Variants in FBXO34 observed in about 807,000 individuals in gnomAD.
The protein encoded by FBXO34 is F-box protein 34, also known as F-box only protein 34.
A neutral mutation model predicts 24.5 loss-of-function variants in FBXO34; 12 were observed. The ratio of observed to expected loss-of-function variants is 0.49; its 90% CI spans 0.31 to 0.79. The LOEUF (loss-of-function observed/expected upper bound fraction) is 0.79. FBXO34 is among the 30% of genes least tolerant of loss of function. The pLI, the probability that FBXO34 is intolerant of heterozygous loss-of-function variation, is 0.04. For missense variants in FBXO34, 823 were observed against 857.7 expected (o/e 0.96, Z 0.51); for synonymous variants, 320 against 311.9 (o/e 1.03, Z -0.27).
intron 1 of FBXO34, among the ~76,000 whole-genome samples, chr14:55,316,687 A>C (rs115658773): frequency 0.014 from 2,168 of 149,976 alleles, 63 homozygotes; most frequent in African/African-American, 0.05. Context: ...AGATCATGCC[A>C]CTGCACTACA....
At chr14:55,282,250 C>T (rs1881576409) in intron 1 of FBXO34, 22 of 328,348 alleles carry the variant, frequency 6.7e-5, no homozygotes, top group South Asian at 5.6e-4. Flanking sequence ...GCCTCAGCCT[C>T]CCAAAGTGCT....
Position 55,352,314 on chromosome 14 carries a change from G to A in FBXO34, c.1924G>A (p.Gly642Arg). The A allele has an allele frequency of 6.2e-7, 1 of 1,614,142 alleles. No individual in the cohort carries two copies. Among genetic ancestry groups the A allele is most frequent in the Non-Finnish European group, 8.5e-7 (1 of 1,179,974 alleles). ...ACAGTGCAAGAAAAAGTATGTGAAA[G>A]GGGATGTGTCCCTGTGCCGATGGCA... ...CKQCKKKYVK[G>R]DVSLCRWHPK... The change falls in exon 2 of 2, where the codon GGG becomes AGG. Residue 642 changes from glycine to arginine, a missense_variant. Gly to Arg is a moderately radical substitution (Grantham distance 125). Around this residue, in one of 2 missense-constraint regions of FBXO34, gnomAD observed 130 missense variants for 198.6 expected, o/e 0.65. Transcript: ENST00000313833.
At chr14:55,436,780 G>A in the FBXO34 span, 1 of 1,614,184 alleles carries the variant, frequency 6.2e-7, no homozygotes, top group Non-Finnish European at 8.5e-7. Flanking sequence ...CCTACTTTGT[G>A]GACTTTGGCT....
At chr14:55,421,073 A>G in the FBXO34 span, among the ~76,000 whole-genome samples, 1 of 151,614 alleles carries the variant, frequency 6.6e-6, no homozygotes, top group African/African-American at 2.4e-5. Flanking sequence ...AAAAAAAAAA[A>G]AAAAAGAAAA....
At chr14:55,328,535 G>T (rs1308212740) in intron 1 of FBXO34, among the ~76,000 whole-genome samples, 3 of 152,220 alleles carry the variant, frequency 2.0e-5, no homozygotes, top group Admixed American at 6.5e-5. Flanking sequence ...ATGGGATGGA[G>T]CAGAGATTTC....
chr14:55,429,562 G>C, the FBXO34 span, among the ~76,000 whole-genome samples: 1 of 152,236 alleles, frequency 6.6e-6, no homozygotes, highest in South Asian at 2.1e-4. Flanking sequence ...ACAGTAGCTC[G>C]AGACCGGCCT....
Position 55,350,865 on chromosome 14 carries a change from A to C in FBXO34, c.475A>C (p.Lys159Gln). Residue 159 changes from lysine (K) to glutamine (Q), a missense_variant, in exon 2 of 2, where the codon AAA (lysine) becomes CAA (glutamine). Lys to Gln is a moderately conservative substitution (Grantham distance 53). Coordinates refer to ENST00000313833, the MANE Select transcript of FBXO34 (RefSeq NM_017943.4). ...AAGGAAAAAATCAGGGGATCTTAAAAAAGCCAAGGTACAGGTGGAAAGGAT... is the reference window on the plus strand; with the variant it reads ...AAGGAAAAAATCAGGGGATCTTAAACAAGCCAAGGTACAGGTGGAAAGGAT... The part of the protein sequence containing the change: ...KRRKKSGDLK[K>Q]AKVQVERMRE... 1 of 1,613,228 alleles carries C rather than the reference A, an allele frequency of 6.2e-7. No homozygotes were observed. Among genetic ancestry groups the C allele is most frequent in the Non-Finnish European group, 8.5e-7 (1 of 1,179,804 alleles).
chr14:55,400,067 A>G, the FBXO34 span, among the ~76,000 whole-genome samples: 1 of 152,256 alleles, frequency 6.6e-6, no homozygotes, highest in Non-Finnish European at 1.5e-5. Flanking sequence ...GTCCTCCTTC[A>G]TGAAAGAAAT....
the FBXO34 span, among the ~76,000 whole-genome samples, chr14:55,375,208 A>G: frequency 6.6e-6 from 1 of 152,254 alleles, no homozygotes; most frequent in African/African-American, 2.4e-5. Context: ...CATATATTTT[A>G]TTAAGATCAC....
In FBXO34 at chr14:55,299,224, A is replaced by T; in HGVS notation, c.-11+27687A>T. On this transcript the variant is annotated intron_variant, in intron 1 of 1. Transcript: ENST00000313833. ...GCCCTACCATCAAAACCTGCCAAGA[A>T]GAGGAAGACGACGACATGAAGGATT... The T allele has an allele frequency of 6.8e-6, 6 of 880,144 alleles. No individual in the cohort carries two copies. In the South Asian group the frequency reaches 7.9e-5, roughly 12 times the overall value. 54.5% of individuals were successfully genotyped at this position (880,144 alleles called of 1,614,324 possible).
At chr14:55,407,136 T>C in the FBXO34 span, among the ~76,000 whole-genome samples, 1 of 151,862 alleles carries the variant, frequency 6.6e-6, no homozygotes, top group African/African-American at 2.4e-5. Flanking sequence ...TAATTTTTGT[T>C]TTTGTTTTTT....
chr14:55,429,574 G>A, the FBXO34 span, among the ~76,000 whole-genome samples: 1,014 of 152,174 alleles, frequency 6.7e-3, 14 homozygotes, highest in African/African-American at 0.023. Context: ...GACCGGCCTG[G>A]CCAACATGAT....
intron 1 of FBXO34, chr14:55,282,290 G>A (rs1470624275): frequency 3.1e-5 from 13 of 425,464 alleles, no homozygotes; most frequent in East Asian, 6.5e-5. Flanking sequence ...ACCGCGCCCC[G>A]CCAAATTTAG....
downstream of FBXO34, among the ~76,000 whole-genome samples, chr14:55,366,159 G>A (rs953251757): frequency 7.9e-5 from 12 of 152,106 alleles, no homozygotes; most frequent in African/African-American, 1.9e-4. Context: ...AGAAAAACAC[G>A]TCTTTAGGGA....
the FBXO34 span, chr14:55,411,755 G>A: frequency 3.7e-6 from 6 of 1,607,608 alleles, no homozygotes; most frequent in African/African-American, 6.7e-5. Context: ...CAGGTCCCGG[G>A]CGAGCGGCCG....
At chr14:55,399,512 T>A in the FBXO34 span, among the ~76,000 whole-genome samples, 1 of 152,216 alleles carries the variant, frequency 6.6e-6, no homozygotes, top group Non-Finnish European at 1.5e-5. Flanking sequence ...ATCAGGCATT[T>A]ACTATGTACC....
At chr14:55,365,862 T>G (rs1456852983), downstream of FBXO34, among the ~76,000 whole-genome samples, 1 of 152,184 alleles carries the variant, frequency 6.6e-6, no homozygotes, top group Non-Finnish European at 1.5e-5. Context: ...TCTTGGTATC[T>G]TCTCCACCAC....
chr14:55,339,729 A>G (rs951363574), intron 1 of FBXO34, among the ~76,000 whole-genome samples: 6 of 152,216 alleles, frequency 3.9e-5, no homozygotes, highest in Non-Finnish European at 7.3e-5. Context: ...GTAAGCTACA[A>G]AAACAGGCAC....
chr14:55,369,540 TAAACAG>T, downstream of FBXO34: 1 of 1,308,890 alleles, frequency 7.6e-7, no homozygotes, highest in South Asian at 2.0e-5. Context: ...TATCTTAACT[TAAACAG>T]AAAATGTTTA....
Sources: gnomAD v4.1 joint callset for allele counts (sites outside exome capture counted in the v4.1 genomes callset) on GRCh38, gnomAD v4.1.1 for gene constraint, gnomAD v4.1.1 regional missense constraint, MANE v1.5 for transcripts, NCBI Gene and HGNC (gene_info 2026-07-23, HGNC 2026-07-21) for gene names.